The following RIOK1 variants were observed in gnomAD, a reference collection of about 807,000 sequenced individuals.
RIOK1 encodes the protein serine/threonine-protein kinase RIO1.
Under a neutral mutation model 73.5 loss-of-function variants are expected in RIOK1, and 66 were observed. The ratio of observed to expected loss-of-function variants is 0.90; its 90% CI spans 0.74 to 1.10. RIOK1 has a LOEUF of 1.10. Among genes scored for constraint, RIOK1 ranks in the 50% least tolerant of loss-of-function variants. The pLI, the probability that RIOK1 is intolerant of heterozygous loss-of-function variation, is 0.00. For synonymous variants in RIOK1, 224 were observed against 226.8 expected (o/e 0.99, Z 0.11); for missense variants, 658 against 699.8 (o/e 0.94, Z 0.67).
chr6:7,416,984 C>G (rs1169456458), intron 16 of RIOK1, among the ~76,000 whole-genome samples: 1 of 152,124 alleles, frequency 6.6e-6, no homozygotes, highest in Non-Finnish European at 1.5e-5. Context: ...TGGCTCATGC[C>G]TGTAATCTCA....
chr6:7,394,934 T>G, intron 2 of RIOK1, 119 bp from the exon 3 acceptor site: 1 of 1,483,934 alleles, frequency 6.7e-7, no homozygotes, highest in Non-Finnish European at 9.2e-7. Flanking sequence ...TTACCTTTCC[T>G]TAAGATACTC....
intron 10 of RIOK1, 149 bp from the exon 11 acceptor site, chr6:7,404,769 A>T: frequency 1.1e-6 from 1 of 878,438 alleles, no homozygotes. Context: ...AAATTTTCCC[A>T]GTTCCATCTG....
At chr6:7,411,854 G>A (rs1167893202) in intron 14 of RIOK1, among the ~76,000 whole-genome samples, 1 of 152,148 alleles carries the variant, frequency 6.6e-6, no homozygotes, top group East Asian at 1.9e-4. Context: ...GATTACGTAG[G>A]TCCTTATGTA....
At chr6:7,411,188 A>G in intron 13 of RIOK1, 144 bp from the exon 14 acceptor site, 1 of 735,588 alleles carries the variant, frequency 1.4e-6, no homozygotes, top group Non-Finnish European at 2.2e-6. Context: ...ATGGGATACC[A>G]GTGTGTGCAG....
At chr6:7,409,350 G>A (rs74581922) in intron 12 of RIOK1, among the ~76,000 whole-genome samples, 5 of 151,854 alleles carry the variant, frequency 3.3e-5, no homozygotes, top group Non-Finnish European at 5.9e-5. Flanking sequence ...TGCCTCCCGG[G>A]TTCAAGTGAT....
In RIOK1 at chr6:7,404,951, G is replaced by C. The variant is rs372026063; in HGVS notation, c.1026G>C (p.Val342=). Residue 342 remains valine, a synonymous_variant, in exon 11 of 17, where the codon GTG becomes GTC. Coordinates refer to ENST00000379834, the MANE Select transcript of RIOK1 (RefSeq NM_031480.3). ...GTGGAGGCGTGTATATCATTGACGT[G>C]TCTCAGTCCGTGGAGCACGACCACC... ...YHGGGVYIID[V]SQSVEHDHPH... is the part of the protein sequence containing the mutation. 1.2e-6 allele frequency: 2 copies of C among 1,614,170 alleles called. No individual in the cohort carries two copies. The highest frequency in any genetic ancestry group is 1.7e-4 in the Middle Eastern group (1 of 6,060).
At chr6:7,394,721 T>C (rs1180537059) in intron 2 of RIOK1, among the ~76,000 whole-genome samples, 1 of 152,168 alleles carries the variant, frequency 6.6e-6, no homozygotes, top group Non-Finnish European at 1.5e-5. Context: ...TTATATACTT[T>C]GGGGGTAAAT....
intron 15 of RIOK1, 105 bp downstream of exon 15, chr6:7,413,047 ATGTT>A: frequency 1.8e-6 from 1 of 546,704 alleles, no homozygotes; most frequent in South Asian, 3.3e-5. Context: ...TTAGAACTAA[ATGTT>A]ATTTTATATT....
Position 7,404,912 on chromosome 6 carries a change from C to T in RIOK1, c.993-6C>T, listed in dbSNP as rs367920637. 4 of 1,609,760 alleles carry T rather than the reference C, an allele frequency of 2.5e-6. No individual in the cohort carries two copies. Among genetic ancestry groups the T allele is most frequent in the Non-Finnish European group, 3.4e-6 (4 of 1,176,292 alleles). On this transcript the variant is annotated splice_region_variant and splice_polypyrimidine_tract_variant and intron_variant, in intron 10 of 16. Coordinates refer to ENST00000379834, the MANE Select transcript of RIOK1 (RefSeq NM_031480.3). The stretch of plus-strand genomic sequence containing the variant: ...ATCCCACAGCTTCTGTGTCTCTGGC[C>T]CATAGGTACCACGGTGGAGGCGTGT...
In RIOK1 at chr6:7,405,362, TG is replaced by T. The variant is rs543473954; in HGVS notation, c.1203+11del. 2.4e-4 allele frequency: 364 copies of T among 1,508,664 alleles called. No individual in the cohort carries two copies. Among genetic ancestry groups the T allele is most frequent in the South Asian group, 1.6e-3 (146 of 88,794 alleles). 93.5% of individuals were successfully genotyped at this position (1,508,664 alleles called of 1,614,324 possible). On this transcript the variant is annotated splice_region_variant and intron_variant, in intron 12 of 16. Coordinates refer to ENST00000379834, the MANE Select transcript of RIOK1 (RefSeq NM_031480.3). ...GGATGCTTATCTCTCAAAGGTAAGATGGGGAGAGGAAGGAGGAATAGGAAAT... is the reference window on the plus strand; with the variant it reads ...GGATGCTTATCTCTCAAAGGTAAGATGGGAGAGGAAGGAGGAATAGGAAAT...
intron 14 of RIOK1, among the ~76,000 whole-genome samples, 160 bp from the exon 15 acceptor site, chr6:7,412,726 ATAT>A (rs1761916474): frequency 6.6e-6 from 1 of 151,888 alleles, no homozygotes; most frequent in African/African-American, 2.4e-5. Context: ...AATAATATCA[ATAT>A]TATAAACTTC....
chr6:7,393,211 G>T lies in RIOK1; in HGVS notation c.184G>T (p.Gly62Cys). 1 of 1,612,920 alleles carries T rather than the reference G, an allele frequency of 6.2e-7. No individual in the cohort carries two copies. Among genetic ancestry groups the T allele is most frequent in the Non-Finnish European group, 8.5e-7 (1 of 1,178,962 alleles). ...EGEIEDEEEEGYDDDDDDWDW... is the reference protein window; with the variant it reads ...EGEIEDEEEECYDDDDDDWDW... ...TGAAATAGAAGATGAGGAGGAGGAG[G>T]GTTATGACGATGATGATGATGACTG... Residue 62 changes from glycine (G) to cysteine (C), a missense_variant, in exon 2 of 17, where the codon GGT becomes TGT. Gly to Cys is a radical substitution (Grantham distance 159). Transcript: ENST00000379834.
At chr6:7,401,683 CAG>C (rs910435718) in intron 6 of RIOK1, among the ~76,000 whole-genome samples, 33 of 143,084 alleles carry the variant, frequency 2.3e-4, no homozygotes, top group African/African-American at 8.1e-4. Flanking sequence ...TTTTTTTAAA[CAG>C]AGTCTTTTTT....
chr6:7,404,104 A>T, intron 9 of RIOK1, 77 bp downstream of exon 9: 1 of 968,870 alleles, frequency 1.0e-6, no homozygotes, highest in Non-Finnish European at 1.6e-6. Context: ...CACTATATGA[A>T]TATTTCCCAT....
chr6:7,406,122 G>A (rs972637223), intron 12 of RIOK1, among the ~76,000 whole-genome samples: 1 of 151,358 alleles, frequency 6.6e-6, no homozygotes, highest in African/African-American at 2.4e-5. Flanking sequence ...CTCAGTCTCC[G>A]AGTAGCTAGG....
intron 10 of RIOK1, 54 bp from the exon 11 acceptor site, chr6:7,404,864 G>A (rs1343563984): frequency 7.6e-6 from 11 of 1,448,260 alleles, no homozygotes; most frequent in South Asian, 3.5e-5. Flanking sequence ...TATTTTAAAC[G>A]AAAAACATAG....
At chr6:7,403,904 C>G in intron 8 of RIOK1, 37 bp from the exon 9 acceptor site, 1 of 1,502,166 alleles carries the variant, frequency 6.7e-7, no homozygotes, top group African/African-American at 1.4e-5. Flanking sequence ...GCCTTTTCAA[C>G]TTTTCAGTTG....
chr6:7,396,920 T>TGTG, intron 4 of RIOK1, 148 bp downstream of exon 4: 83 of 525,124 alleles, frequency 1.6e-4, no homozygotes, highest in South Asian at 3.6e-4. Flanking sequence ...TGTGTGTGTG[T>TGTG]TTTCCTTAGC....
At position 7,393,129 on chromosome 6, in the gene RIOK1, G is replaced by A. The variant is rs1328234784; in HGVS notation, c.102G>A (p.Glu34=). The A allele has an allele frequency of 1.2e-6, 2 of 1,613,948 alleles. No homozygotes were observed. ...SENRDLKTVK[E]KDDILFEDLQ... ...ACAGAGACTTGAAGACAGTCAAAGA[G>A]AAGGATGACATTCTGTTTGAAGACC... Residue 34 remains glutamate (E), a synonymous_variant, in exon 2 of 17, where the codon GAG becomes GAA. Transcript: ENST00000379834.
Sources: gnomAD v4.1 joint callset for allele counts (sites outside exome capture counted in the v4.1 genomes callset) on GRCh38, gnomAD v4.1.1 for gene constraint, MANE v1.5 for transcripts, NCBI Gene and HGNC (gene_info 2026-07-23, HGNC 2026-07-21) for gene names.